TEX11: variants seen among roughly 807,000 people sequenced by gnomAD.
TEX11 encodes the protein testis expressed 11.
Under a neutral mutation model 84.4 loss-of-function variants are expected in TEX11, and 7 were observed. The observed-to-expected ratio is 0.08, with a 90% CI of 0.05 to 0.16. The LOEUF is 0.16. TEX11 is among the 10% of genes least tolerant of loss of function. The pLI is 1.00. For synonymous variants in TEX11, 264 were observed against 222.8 expected (o/e 1.18, Z -1.64); for missense variants, 551 against 660.5 (o/e 0.83, Z 1.82).
the TEX11 span, among the ~76,000 whole-genome samples, chrX:70,515,973 A>AT: frequency 6.4e-4 from 71 of 110,768 alleles, no homozygotes; most frequent in Non-Finnish European, 1.2e-3. Flanking sequence ...GAGTTGTTTG[A>AT]TTTTTTCTTG....
chrX:70,722,723 T>C, intron 12 of TEX11, 27 bp from the exon 13 acceptor site: 4 of 1,087,415 alleles, frequency 3.7e-6, no homozygotes, highest in Non-Finnish European at 5.1e-6. Flanking sequence ...ATGAAATAAT[T>C]ATCAGTTTAA....
intron 13 of TEX11, among the ~76,000 whole-genome samples, chrX:70,693,188 C>A (rs2090251399): frequency 9.0e-6 from 1 of 111,113 alleles, no homozygotes; most frequent in African/African-American, 3.3e-5. Context: ...TTGCAGTGAG[C>A]AGAGATTGCA....
At chrX:70,907,833 A>C (rs781370224) in intron 1 of TEX11, 23 bp from the exon 2 acceptor site, 1 of 969,006 alleles carries the variant, frequency 1.0e-6, no homozygotes, top group Non-Finnish European at 1.5e-6. Context: ...AACATATTTT[A>C]ATACTCTGTT....
intron 8 of TEX11, among the ~76,000 whole-genome samples, chrX:70,824,174 C>T (rs1010619114): frequency 9.0e-6 from 1 of 111,459 alleles, no homozygotes; most frequent in Non-Finnish European, 1.9e-5. Context: ...TAGCAGAAGG[C>T]AAATAAAGGA....
At chrX:70,792,148 A>G (rs1450316120) in intron 9 of TEX11, among the ~76,000 whole-genome samples, 2 of 95,490 alleles carry the variant, frequency 2.1e-5, no homozygotes, top group Non-Finnish European at 4.2e-5. Flanking sequence ...AAAATTAGCC[A>G]GGCATGGTAC....
At chrX:70,616,213 TA>T (rs1165644179) in intron 20 of TEX11, among the ~76,000 whole-genome samples, 11 of 110,957 alleles carry the variant, frequency 9.9e-5, no homozygotes, top group African/African-American at 3.6e-4. Context: ...CAACCAAAAA[TA>T]ATAAATATAA....
intron 9 of TEX11, among the ~76,000 whole-genome samples, chrX:70,760,925 C>T (rs534541857): frequency 2.7e-5 from 3 of 111,983 alleles, no homozygotes; most frequent in South Asian, 7.5e-4. Context: ...AAAACAGCAA[C>T]AACCCCATGA....
chrX:70,885,888 CAAAAAA>C lies in TEX11; in HGVS notation c.38-5785_38-5780del, dbSNP rs780384460. Among the ~76,000 whole-genome samples, 199 of 41,402 alleles carry C rather than the reference CAAAAAA, an allele frequency of 4.8e-3. 1 individual carries two copies. The highest frequency in any genetic ancestry group is 0.013 in the African/African-American group (192 of 15,232). 36.0% of individuals were successfully genotyped at this position (41,402 alleles called of 115,157 possible). A position where few individuals can be genotyped will look rare whatever the true frequency, so the allele number is the denominator to read the frequency against. On this transcript the variant is annotated intron_variant, in intron 2 of 29. Coordinates refer to ENST00000374333, the MANE Select transcript of TEX11 (RefSeq NM_031276.3). Reference sequence around the variant, plus strand: ...CCTGGGTAAGAGTGAGACACTGCCACAAAAAAAAAAAAAAAAGAAAAAGAAAGAAAG... The same window carrying C: ...CCTGGGTAAGAGTGAGACACTGCCACAAAAAAAAAAGAAAAAGAAAGAAAG...
chrX:70,641,374 A>C (rs1366945923), intron 17 of TEX11, among the ~76,000 whole-genome samples: 1 of 110,973 alleles, frequency 9.0e-6, no homozygotes, highest in Non-Finnish European at 1.9e-5. Context: ...CAGAAAGTCA[A>C]CAAGGATACC....
intron 4 of TEX11, among the ~76,000 whole-genome samples, chrX:70,865,427 TC>T (rs1402337811): frequency 1.8e-5 from 2 of 111,169 alleles, no homozygotes; most frequent in Non-Finnish European, 3.8e-5. Context: ...AGACTTAAAC[TC>T]CCACACAATA....
chrX:70,541,714 C>T (rs1156405665), intron 28 of TEX11, among the ~76,000 whole-genome samples: 6 of 111,818 alleles, frequency 5.4e-5, no homozygotes, highest in East Asian at 5.6e-4. Context: ...GCCGAGATGG[C>T]GCCACTGCAC....
At chrX:70,852,788 T>C (rs1449878005) in intron 7 of TEX11, among the ~76,000 whole-genome samples, 4 of 111,504 alleles carry the variant, frequency 3.6e-5, no homozygotes, top group Non-Finnish European at 7.5e-5. Context: ...AAATGACAGA[T>C]GTTACATGCA....
chrX:70,706,436 C>T (rs1364377249), intron 13 of TEX11, among the ~76,000 whole-genome samples: 1 of 110,586 alleles, frequency 9.0e-6, no homozygotes, highest in Non-Finnish European at 1.9e-5. Context: ...TGCATATGTA[C>T]CCTAGAACTT....
chrX:70,640,051 A>C (rs989266420), intron 17 of TEX11, among the ~76,000 whole-genome samples: 14 of 107,986 alleles, frequency 1.3e-4, no homozygotes, highest in South Asian at 4.2e-4. Flanking sequence ...TAACTAGAAT[A>C]ACCAATACAG....
chrX:70,522,321 G>A, the TEX11 span, among the ~76,000 whole-genome samples: 1 of 112,016 alleles, frequency 8.9e-6, no homozygotes, highest in Non-Finnish European at 1.9e-5. Context: ...CTACTTCACA[G>A]GGTTGTTATC....
intron 2 of TEX11, among the ~76,000 whole-genome samples, chrX:70,884,349 A>T (rs936849113): frequency 1.8e-5 from 2 of 111,927 alleles, no homozygotes; most frequent in Admixed American, 9.6e-5. Context: ...ATCAGGAAGG[A>T]TCTGGAACAA....
intron 13 of TEX11, among the ~76,000 whole-genome samples, chrX:70,713,388 T>C (rs1365132769): frequency 2.1e-4 from 23 of 111,720 alleles, no homozygotes; most frequent in Admixed American, 3.8e-4. Flanking sequence ...CCTTGTACCT[T>C]TGGTAGAATT....
chrX:70,626,037 TGC>T (rs1336099613), intron 18 of TEX11, among the ~76,000 whole-genome samples: 11 of 111,355 alleles, frequency 9.9e-5, no homozygotes, highest in African/African-American at 2.9e-4. Flanking sequence ...CGTGAGCCAC[TGC>T]GCGCGGCATA....
intron 9 of TEX11, among the ~76,000 whole-genome samples, chrX:70,750,664 C>T (rs867852630): frequency 5.1e-5 from 5 of 98,706 alleles, no homozygotes; most frequent in Non-Finnish European, 1.0e-4. Flanking sequence ...AGTAAACTAT[C>T]GCAAGAACAA....
Sources: gnomAD v4.1 joint callset for allele counts (sites outside exome capture counted in the v4.1 genomes callset) on GRCh38, gnomAD v4.1.1 for gene constraint, MANE v1.5 for transcripts, NCBI Gene and HGNC (gene_info 2026-07-23, HGNC 2026-07-21) for gene names.